TSPEAR: variants seen among roughly 807,000 people sequenced by gnomAD.
TSPEAR encodes thrombospondin-type laminin G domain and EAR repeat-containing protein.
Under a neutral mutation model 71.6 loss-of-function variants are expected in TSPEAR, and 69 were observed. That is an observed-to-expected ratio of 0.96 (90% confidence interval 0.79 to 1.18). TSPEAR has a LOEUF of 1.18. Ranked by LOEUF, TSPEAR falls within the 50% of genes most tolerant of loss-of-function variation. The pLI is 0.00. For synonymous variants in TSPEAR, 402 were observed against 387.2 expected (o/e 1.04, Z -0.45); for missense variants, 971 against 894.9 (o/e 1.09, Z -1.09).
At chr21:44,697,688 G>A in intron 1 of TSPEAR, 1 of 1,612,238 alleles carries the variant, frequency 6.2e-7, no homozygotes. Context: ...CATCTGCTGT[G>A]TGCCTGTCTG....
chr21:44,567,135 A>G (rs1314409945), intron 2 of TSPEAR, among the ~76,000 whole-genome samples: 2 of 152,252 alleles, frequency 1.3e-5, no homozygotes, highest in East Asian at 3.8e-4. Context: ...CATCAAATAC[A>G]TAAAGAATTC....
At chr21:44,521,757 CG>C (rs1569161664) in intron 9 of TSPEAR, 125 bp downstream of exon 9, 1 of 893,074 alleles carries the variant, frequency 1.1e-6, no homozygotes, top group African/African-American at 1.7e-5. Flanking sequence ...TTTGGGGTCA[CG>C]GGTGCAGAGC....
intron 9 of TSPEAR, chr21:44,509,694 G>T (rs1232400765): frequency 5.6e-6 from 2 of 357,764 alleles, no homozygotes; most frequent in Non-Finnish European, 1.0e-5. Context: ...GGTGCCAGAC[G>T]TGGCACTCCT....
At chr21:44,583,120 G>C (rs1555925364) in intron 1 of TSPEAR, among the ~76,000 whole-genome samples, 1 of 152,148 alleles carries the variant, frequency 6.6e-6, no homozygotes, top group East Asian at 1.9e-4. Context: ...AGGCATTACA[G>C]ATGTGAGCCA....
chr21:44,512,019 GAGGGCCCAAAGGCATGGAGGACGGACA>G (rs1555912779), intron 9 of TSPEAR, among the ~76,000 whole-genome samples: 2 of 152,248 alleles, frequency 1.3e-5, no homozygotes, highest in African/African-American at 4.8e-5. Flanking sequence ...CACAGAGGAA[GAGGGCCCAAAGGCATGGAGGACGGACA>G]GGGGAGTTGG....
At chr21:44,558,298 A>G (rs782527756) in intron 2 of TSPEAR, 11 of 1,614,146 alleles carry the variant, frequency 6.8e-6, no homozygotes, top group African/African-American at 1.3e-5. Context: ...TGGCGGCTAG[A>G]CTGCTGGCAG....
rs143941725 is a variant in TSPEAR, at chr21:44,533,872, G to T, written c.355C>A (p.Leu119Ile). The T allele has an allele frequency of 1.9e-6, 3 of 1,612,334 alleles. No homozygotes were observed. The highest frequency in any genetic ancestry group is 2.5e-6 in the Non-Finnish European group (3 of 1,179,888). The change falls in exon 3 of 12, where the codon CTC becomes ATC. Residue 119 changes from leucine to isoleucine, a missense_variant. By Grantham distance (5) the Leu-to-Ile change is conservative. Coordinates refer to ENST00000323084, the MANE Select transcript of TSPEAR (RefSeq NM_144991.3). ...VVAEESDLLL[L>I]GLRLSPAQLH... ...TGGGCAGGTGACAACCGCAGGCCGA[G>T]CAGCAGCAGGTCGCTCTCCTCTGCC...
At chr21:44,709,068 C>G (rs11700586) in intron 1 of TSPEAR, among the ~76,000 whole-genome samples, 46,341 of 152,126 alleles carry the variant, frequency 0.3, 7,323 homozygotes, top group Admixed American at 0.36. Context: ...TGGCCGCCCT[C>G]GCATCCTGCA....
intron 1 of TSPEAR, chr21:44,682,304 GTTT>G: frequency 1.4e-6 from 1 of 725,862 alleles, no homozygotes. Context: ...CGTAGATGAT[GTTT>G]TTTATCTGGC....
At chr21:44,644,933 T>G (rs1010139150) in intron 1 of TSPEAR, among the ~76,000 whole-genome samples, 1 of 62,002 alleles carries the variant, frequency 1.6e-5, no homozygotes, top group African/African-American at 1.1e-4. Flanking sequence ...CCCAGAGAGT[T>G]AAGGAAAGAG....
At position 44,620,545 on chromosome 21, in the gene TSPEAR, TATTTG is replaced by T. The variant is rs750421081; in HGVS notation, c.83-52545_83-52541del. 2.9e-3 allele frequency among the ~76,000 whole-genome samples: 445 copies of T among 152,396 alleles called. 1 individual carries two copies. The highest frequency in any genetic ancestry group is 4.5e-3 in the Non-Finnish European group (306 of 68,040). Reference sequence around the variant, plus strand: ...TCCCATTTTCATTTACGATTTTAGTTATTTGAATCTGTCTTCCTTTAATCAGTCTA... The same window carrying T: ...TCCCATTTTCATTTACGATTTTAGTTAATCTGTCTTCCTTTAATCAGTCTA... On this transcript the variant is annotated intron_variant, in intron 1 of 11. Transcript: ENST00000323084.
At chr21:44,669,194 G>A (rs1985934340) in intron 1 of TSPEAR, among the ~76,000 whole-genome samples, 1 of 152,192 alleles carries the variant, frequency 6.6e-6, no homozygotes, top group Non-Finnish European at 1.5e-5. Context: ...GGAGGGCAAG[G>A]CGGCTGGATC....
At chr21:44,517,440 A>C (rs1555913605) in intron 9 of TSPEAR, 2 of 246,144 alleles carry the variant, frequency 8.1e-6, no homozygotes, top group African/African-American at 4.6e-5. Flanking sequence ...GACTGGCACT[A>C]GCCAATGAGC....
chr21:44,591,531 C>CACG, intron 1 of TSPEAR: 1 of 1,613,080 alleles, frequency 6.2e-7, no homozygotes, highest in Non-Finnish European at 8.5e-7. Flanking sequence ...AGGGGACGGG[C>CACG]ACGCAGCAGG....
intron 1 of TSPEAR, among the ~76,000 whole-genome samples, chr21:44,648,893 G>A (rs888229958): frequency 6.6e-6 from 1 of 152,230 alleles, no homozygotes. Flanking sequence ...CGTGCCAGAC[G>A]CAGAGGAGAA....
intron 1 of TSPEAR, among the ~76,000 whole-genome samples, chr21:44,683,975 C>T (rs548778685): frequency 9.5e-4 from 144 of 152,212 alleles, no homozygotes; most frequent in South Asian, 3.7e-3. Context: ...AAATCAACAA[C>T]GTCCAAATCC....
rs1555928902 is a variant in TSPEAR, at chr21:44,601,706, C to T, written c.83-33701G>A. 3 of 1,611,948 alleles carry T rather than the reference C, an allele frequency of 1.9e-6. No homozygotes were observed. The highest frequency in any genetic ancestry group is 2.5e-6 in the Non-Finnish European group (3 of 1,178,682). ...TGCTCCCGCCCGGCCTGCTGTGGCC[C>T]CACCTCAACCCAGAAGTCCAGCTGC... On this transcript the variant is annotated intron_variant, in intron 1 of 11. Transcript: ENST00000323084.
intron 1 of TSPEAR, chr21:44,697,683 G>A (rs1555950921): frequency 9.3e-6 from 15 of 1,613,084 alleles, no homozygotes; most frequent in Non-Finnish European, 1.0e-5. Flanking sequence ...AAGCCCATCT[G>A]CTGTGTGCCT....
Position 44,705,691 on chromosome 21 carries a change from GACC to G in TSPEAR, c.82+5739_82+5741del, listed in dbSNP as rs569564551. The stretch of plus-strand genomic sequence containing the variant: ...ATTCCCACCTAATAAATTTTGGTCA[GACC>G]GGTTGATCTCAAAACCCTGTCTCCT... On this transcript the variant is annotated intron_variant, in intron 1 of 11. Transcript: ENST00000323084. Among the ~76,000 whole-genome samples the G allele has an allele frequency of 9.1e-3, 1,384 of 152,312 alleles. 8 individuals are homozygous for G. The highest frequency in any genetic ancestry group is 0.016 in the Non-Finnish European group (1,065 of 68,022).
Sources: gnomAD v4.1 joint callset for allele counts (sites outside exome capture counted in the v4.1 genomes callset) on GRCh38, gnomAD v4.1.1 for gene constraint, MANE v1.5 for transcripts, NCBI Gene and HGNC (gene_info 2026-07-23, HGNC 2026-07-21) for gene names.